TG: variants seen among roughly 807,000 people sequenced by gnomAD.
The protein encoded by TG is thyroid hormones.
A neutral mutation model predicts 324.7 loss-of-function variants in TG; 270 were observed. The observed-to-expected ratio is 0.83, with a 90% CI of 0.75 to 0.92. The LOEUF (loss-of-function observed/expected upper bound fraction) is 0.92, where lower values mean the gene tolerates loss of function less well. Among genes scored for constraint, TG ranks in the 40% least tolerant of loss-of-function variants. The pLI is 0.00. For missense variants in TG, 3,591 were observed against 3,456.4 expected (o/e 1.04, Z -0.98); for synonymous variants, 1,401 against 1,327.0 (o/e 1.06, Z -1.21).
chr8:132,993,272 C>T (rs58237438), intron 35 of TG, among the ~76,000 whole-genome samples: 6,350 of 152,152 alleles, frequency 0.042, 461 homozygotes, highest in African/African-American at 0.14. Context: ...GAATGAAAAA[C>T]GAATGAATGG....
At chr8:132,953,320 G>A (rs1234611546) in intron 27 of TG, among the ~76,000 whole-genome samples, 1 of 152,112 alleles carries the variant, frequency 6.6e-6, no homozygotes, top group African/African-American at 2.4e-5. Flanking sequence ...CAGCTGCTGG[G>A]TAGATGTGAG....
intron 41 of TG, among the ~76,000 whole-genome samples, chr8:133,067,916 AAAG>A (rs1388392608): frequency 0.32 from 29,657 of 91,734 alleles, 3,561 homozygotes; most frequent in Middle Eastern, 0.4. Flanking sequence ...GGAAGGAAGG[AAAG>A]AGAGAGAGAG....
intron 37 of TG, among the ~76,000 whole-genome samples, chr8:133,016,413 C>T (rs772540140): frequency 6.6e-6 from 1 of 152,194 alleles, no homozygotes; most frequent in Non-Finnish European, 1.5e-5. Context: ...CCAAAAATGT[C>T]TCCAGATGTG....
intron 26 of TG, among the ~76,000 whole-genome samples, chr8:132,948,556 G>C (rs1825674247): frequency 6.6e-6 from 1 of 152,174 alleles, no homozygotes; most frequent in Non-Finnish European, 1.5e-5. Context: ...CAGTAGGCTT[G>C]AAGGTGGCCC....
chr8:132,906,294 G>A (rs993887577), intron 16 of TG, among the ~76,000 whole-genome samples: 1 of 152,190 alleles, frequency 6.6e-6, no homozygotes, highest in East Asian at 1.9e-4. Flanking sequence ...GGTGGCTGGT[G>A]GTACTGATCC....
chr8:132,976,797 A>C (rs1251674688), intron 34 of TG, among the ~76,000 whole-genome samples: 1 of 152,202 alleles, frequency 6.6e-6, no homozygotes, highest in Non-Finnish European at 1.5e-5. Context: ...TTGTGTTGAC[A>C]TGGTGTGATT....
chr8:132,873,381 G>A (rs544753492), intron 5 of TG, among the ~76,000 whole-genome samples, 160 bp downstream of exon 5: 38 of 152,182 alleles, frequency 2.5e-4, no homozygotes, highest in Admixed American at 1.2e-3. Flanking sequence ...GTGCCACGGC[G>A]TTTTTTAACA....
intron 5 of TG, among the ~76,000 whole-genome samples, chr8:132,880,947 G>A (rs1354185005): frequency 6.6e-6 from 1 of 152,166 alleles, no homozygotes; most frequent in African/African-American, 2.4e-5. Context: ...AGAATAGATT[G>A]CACAGCAATT....
At chr8:132,878,712 C>T (rs1814219301) in intron 5 of TG, among the ~76,000 whole-genome samples, 4 of 152,130 alleles carry the variant, frequency 2.6e-5, no homozygotes, top group African/African-American at 9.7e-5. Context: ...GTACCTCCCT[C>T]GGTGACTACC....
chr8:132,977,171 C>T (rs1339358891), intron 34 of TG, among the ~76,000 whole-genome samples: 1 of 152,170 alleles, frequency 6.6e-6, no homozygotes, highest in Admixed American at 6.5e-5. Context: ...TTTCTCCCCA[C>T]TCTTAGCTTT....
At chr8:132,986,420 ATG>A (rs34904146) in intron 35 of TG, among the ~76,000 whole-genome samples, 4 of 147,288 alleles carry the variant, frequency 2.7e-5, no homozygotes, top group African/African-American at 7.6e-5. Context: ...GTATATATAT[ATG>A]TATGTATCTC....
intron 25 of TG, among the ~76,000 whole-genome samples, chr8:132,938,857 C>A (rs1234436051): frequency 2.0e-5 from 3 of 152,048 alleles, no homozygotes; most frequent in African/African-American, 7.2e-5. Context: ...TTGAGACCAT[C>A]CTGGCTAACA....
intron 41 of TG, among the ~76,000 whole-genome samples, chr8:133,068,689 C>G (rs375317366): frequency 3.3e-5 from 5 of 152,200 alleles, no homozygotes; most frequent in African/African-American, 1.2e-4. Flanking sequence ...CGTGTCAGTA[C>G]AGTGAGTGGG....
intron 41 of TG, among the ~76,000 whole-genome samples, chr8:133,039,752 T>C (rs920830084): frequency 2.0e-5 from 3 of 152,138 alleles, no homozygotes; most frequent in African/African-American, 7.2e-5. Context: ...AAGGACTCAG[T>C]AAATGTTTGC....
intron 45 of TG, among the ~76,000 whole-genome samples, chr8:133,128,936 G>A (rs1851748534): frequency 6.6e-6 from 1 of 152,044 alleles, no homozygotes; most frequent in East Asian, 1.9e-4. Flanking sequence ...CGAGCACCAG[G>A]GCCACTCAGT....
In TG at chr8:132,886,685, ATCT is replaced by A. The variant is rs771104723; in HGVS notation, c.1317_1319del (p.Leu440del). 2 of 1,614,126 alleles carry A rather than the reference ATCT, an allele frequency of 1.2e-6. No homozygotes were observed. The highest frequency in any genetic ancestry group is 2.7e-5 in the African/African-American group (2 of 75,050). On this transcript the variant is annotated inframe_deletion, in exon 9 of 48. Coordinates refer to ENST00000220616, the MANE Select transcript of TG (RefSeq NM_003235.5). ...AGCCAACAGTTTTCTGTCTCAGAAAATCTTCTCAAAGAAGCCATCCGAGCAATT... is the reference window on the plus strand; with the variant it reads ...AGCCAACAGTTTTCTGTCTCAGAAAATCTCAAAGAAGCCATCCGAGCAATT...
At chr8:133,034,396 A>G (rs1316269498) in intron 41 of TG, among the ~76,000 whole-genome samples, 1 of 152,070 alleles carries the variant, frequency 6.6e-6, no homozygotes, top group Non-Finnish European at 1.5e-5. Flanking sequence ...GGTATTATCA[A>G]TGCTGTCTTC....
rs188589519 is a variant in TG at position 132,974,581 on chromosome 8, C to A, written c.6199+1840C>A. Among the ~76,000 whole-genome samples the A allele has an allele frequency of 2.5e-3, 382 of 152,290 alleles. 7 individuals carry two copies. Among genetic ancestry groups the A allele is most frequent in the Non-Finnish European group, 9.1e-4 (62 of 68,034 alleles). ...CCCAAACTTATTCTCCTTCCCTTTA[C>A]GATGTTGCCTCCTGGCAGGTCTTTC... On this transcript the variant is annotated intron_variant, in intron 34 of 47. Coordinates refer to ENST00000220616, the MANE Select transcript of TG (RefSeq NM_003235.5).
intron 5 of TG, among the ~76,000 whole-genome samples, chr8:132,877,920 G>A (rs1048707830): frequency 1.3e-5 from 2 of 152,058 alleles, no homozygotes; most frequent in Admixed American, 6.6e-5. Context: ...TGTAGATTTT[G>A]TCTTCCTCCT....
Sources: allele counts gnomAD v4.1 joint callset (sites outside exome capture counted in the v4.1 genomes callset), GRCh38; gene constraint gnomAD v4.1.1; transcripts MANE v1.5; gene names NCBI Gene and HGNC (gene_info 2026-07-23, HGNC 2026-07-21).